POLR2M: variants seen among roughly 807,000 people sequenced by gnomAD.
The protein encoded by POLR2M is RNA polymerase II subunit M, also known as protein GRINL1A.
POLR2M carries 30 observed loss-of-function variants against 34.6 expected under a neutral mutation model. The observed-to-expected ratio is 0.87, with a 90% CI of 0.65 to 1.18. The LOEUF (loss-of-function observed/expected upper bound fraction) is 1.18. POLR2M is among the 50% of genes most tolerant of loss of function. The pLI is 0.00. For synonymous variants in POLR2M, 150 were observed against 166.7 expected (o/e 0.90, Z 0.77); for missense variants, 432 against 448.7 (o/e 0.96, Z 0.34).
chr15:57,710,671 C>G (rs1391726903), intron 2 of POLR2M, among the ~76,000 whole-genome samples: 2 of 152,104 alleles, frequency 1.3e-5, no homozygotes, highest in African/African-American at 2.4e-5. Flanking sequence ...AATCCCAGTT[C>G]TGTATTATGG....
rs1352681875 is a variant in POLR2M, at chr15:57,715,412, A to C, written c.*733A>C. Reference sequence around the variant, plus strand: ...CAGTGGCAGGATCTCGGCTCACTGCAATCTAGGTGGAGGTCTTTTTAAATA... The same window carrying C: ...CAGTGGCAGGATCTCGGCTCACTGCCATCTAGGTGGAGGTCTTTTTAAATA... On this transcript the variant is annotated 3_prime_UTR_variant, in exon 4 of 4. Transcript: ENST00000299638. 6.6e-6 allele frequency: 1 copy of C among 151,778 alleles called. No homozygotes were observed. Among genetic ancestry groups the C allele is most frequent in the Non-Finnish European group, 1.5e-5 (1 of 67,984 alleles). The allele number at this position is 151,778 out of a possible 1,614,324, so 9.4% of individuals were successfully genotyped here. A position where few individuals can be genotyped will look rare whatever the true frequency, so the allele number is the denominator to read the frequency against.
Position 57,708,844 on chromosome 15 carries a change from T to C in POLR2M, c.244T>C (p.Cys82Arg), listed in dbSNP as rs142111452. 14 of 1,613,916 alleles carry C rather than the reference T, an allele frequency of 8.7e-6. No individual in the cohort carries two copies. The African/African-American group carries it at 1.2e-4, about 14-fold the overall frequency. Residue 82 changes from cysteine to arginine, a missense_variant, in exon 2 of 4, where the codon TGT becomes CGT. Physicochemically the swap from Cys to Arg is radical, Grantham distance 180. Coordinates refer to ENST00000299638, the MANE Select transcript of POLR2M (RefSeq NM_015532.5). ...SELFNPVSLDCKLRQKAIAEV... is the reference protein window; with the variant it reads ...SELFNPVSLDRKLRQKAIAEV... ...ACTGTTTAACCCTGTTAGTTTAGAC[T>C]GTAAGCTAAGGCAAAAAGCAATTGC... is the stretch of plus-strand genomic sequence containing the variant.
intron 3 of POLR2M, among the ~76,000 whole-genome samples, chr15:57,712,797 TGA>T (rs1308675040): frequency 1.3e-5 from 2 of 152,170 alleles, no homozygotes; most frequent in Non-Finnish European, 2.9e-5. Context: ...ACATGTATGT[TGA>T]GAGTTTGTAT....
chr15:57,707,633 C>T lies in POLR2M; in HGVS notation c.113+678C>T, dbSNP rs567155691. On this transcript the variant is annotated intron_variant, in intron 1 of 3. Transcript: ENST00000299638. ...CATGGACTAATTTAAATGCAGTTGA[C>T]AGAGATGGCTGAAGTTTCCAATCTA... The T allele has an allele frequency of 4.5e-4, 193 of 424,656 alleles. 1 individual carries two copies. The highest frequency in any genetic ancestry group is 6.7e-4 in the Non-Finnish European group (141 of 209,558). 26.3% of individuals were successfully genotyped at this position (424,656 alleles called of 1,614,324 possible). A position where few individuals can be genotyped will look rare whatever the true frequency, so the allele number is the denominator to read the frequency against.
chr15:57,706,781 A>T lies in POLR2M; in HGVS notation c.-62A>T. 1 of 1,522,432 alleles carries T rather than the reference A, an allele frequency of 6.6e-7. No individual in the cohort carries two copies. The highest frequency in any genetic ancestry group is 8.9e-7 in the Non-Finnish European group (1 of 1,126,508). The allele number at this position is 1,522,432 out of a possible 1,614,324, so 94.3% of individuals were successfully genotyped here. A position where few individuals can be genotyped will look rare whatever the true frequency, so the allele number is the denominator to read the frequency against. ...CACCGCCGTCCGCGGATCCGGCGCTAGTAGCGGGGCCTGCCGAGGAAGCCG... is the reference window on the plus strand; with the variant it reads ...CACCGCCGTCCGCGGATCCGGCGCTTGTAGCGGGGCCTGCCGAGGAAGCCG... On this transcript the variant is annotated 5_prime_UTR_variant, in exon 1 of 4. Coordinates refer to ENST00000299638, the MANE Select transcript of POLR2M (RefSeq NM_015532.5).
At chr15:57,711,051 C>G (rs938380672) in intron 2 of POLR2M, among the ~76,000 whole-genome samples, 4 of 152,150 alleles carry the variant, frequency 2.6e-5, no homozygotes, top group African/African-American at 7.2e-5. Context: ...CTTGGGTGTT[C>G]CCAGGTACCT....
chr15:57,708,898 C>T lies in POLR2M; in HGVS notation c.298C>T (p.Gln100Ter). The change falls in exon 2 of 4, where the codon CAG becomes TAG. Residue 100 changes from glutamine (Q) to a stop codon, truncating the protein, a stop_gained. Coordinates refer to ENST00000299638, the MANE Select transcript of POLR2M (RefSeq NM_015532.5). LOFTEE classifies it high-confidence loss of function. ...AEVDVGTDKA[Q>*]NSDPILDTSS... ...AGTTGATGTGGGTACAGATAAGGCC[C>T]AGAATTCTGACCCGATACTTGATAC... 1 of 1,614,030 alleles carries T rather than the reference C, an allele frequency of 6.2e-7. No individual in the cohort carries two copies. Among genetic ancestry groups the T allele is most frequent in the Non-Finnish European group, 8.5e-7 (1 of 1,179,938 alleles).
intron 3 of POLR2M, among the ~76,000 whole-genome samples, chr15:57,713,188 A>T (rs2040805804): frequency 1.0e-5 from 1 of 100,296 alleles, no homozygotes; most frequent in Admixed American, 1.1e-4. Flanking sequence ...ACAGAGTGAG[A>T]CCCTGTCTCA....
In POLR2M at chr15:57,715,580, A is replaced by C. The variant is rs1240611330; in HGVS notation, c.*901A>C. On this transcript the variant is annotated 3_prime_UTR_variant, in exon 4 of 4. Transcript: ENST00000299638. ...ACACAACATTAATGTTTGATAAGGA[A>C]AGCATTTTTTTTTTGTTAAAATTGA... 1.3e-5 allele frequency: 2 copies of C among 152,026 alleles called. No homozygotes were observed. The highest frequency in any genetic ancestry group is 2.4e-5 in the African/African-American group (1 of 41,430). The allele number at this position is 152,026 out of a possible 1,614,324, so 9.4% of individuals were successfully genotyped here. A position where few individuals can be genotyped will look rare whatever the true frequency, so the allele number is the denominator to read the frequency against.
Position 57,709,009 on chromosome 15 carries a change from C to G in POLR2M, c.409C>G (p.Leu137Val). The G allele has an allele frequency of 6.2e-7, 1 of 1,614,018 alleles. No homozygotes were observed. The highest frequency in any genetic ancestry group is 8.5e-7 in the Non-Finnish European group (1 of 1,179,936). The change falls in exon 2 of 4, where the codon CTT becomes GTT. Residue 137 changes from leucine (L) to valine (V), a missense_variant. Leu to Val is a conservative substitution (Grantham distance 32, BLOSUM62 1). Coordinates refer to ENST00000299638, the MANE Select transcript of POLR2M (RefSeq NM_015532.5). ...AAACCAGGGACTTGGACGTCCTACT[C>G]TTGAAGGTGATGAAGAGACTTCAGA... is the stretch of plus-strand genomic sequence containing the variant. ...SQNQGLGRPT[L>V]EGDEETSEVE...
At chr15:57,708,563 G>A (rs1340877103) in intron 1 of POLR2M, 151 bp from the exon 2 acceptor site, 3 of 732,220 alleles carry the variant, frequency 4.1e-6, no homozygotes, top group Admixed American at 3.5e-5. Context: ...CATTTTAATT[G>A]TTTTATTCTT....
chr15:57,715,075 A>G lies in POLR2M; in HGVS notation c.*396A>G, dbSNP rs1414930025. ...TTAGTTGTTCCAGGCACCTAAAATC[A>G]ATTAGGAAGACATAGTTCCCTTCTT... On this transcript the variant is annotated 3_prime_UTR_variant, in exon 4 of 4. Coordinates refer to ENST00000299638, the MANE Select transcript of POLR2M (RefSeq NM_015532.5). The G allele has an allele frequency of 5.6e-6, 1 of 179,976 alleles. No homozygotes were observed. The highest frequency in any genetic ancestry group is 1.1e-5 in the Non-Finnish European group (1 of 87,080). 11.1% of individuals were successfully genotyped at this position (179,976 alleles called of 1,614,324 possible). A position where few individuals can be genotyped will look rare whatever the true frequency, so the allele number is the denominator to read the frequency against.
Position 57,707,128 on chromosome 15 carries a change from C to G in POLR2M, c.113+173C>G, listed in dbSNP as rs1044431454. On this transcript the variant is annotated intron_variant, in intron 1 of 3. Coordinates refer to ENST00000299638, the MANE Select transcript of POLR2M (RefSeq NM_015532.5). The stretch of plus-strand genomic sequence containing the variant: ...AGGGCTTGCTGCGGCAGAGCCGTGC[C>G]TCTTCCTGGCCAGGCACGTATGCCT... The G allele has an allele frequency of 5.2e-6, 8 of 1,539,620 alleles. No homozygotes were observed. The African/African-American group carries it at 8.2e-5, about 16-fold the overall frequency.
At chr15:57,707,327 T>G in intron 1 of POLR2M, 2 of 727,402 alleles carry the variant, frequency 2.7e-6, no homozygotes, top group Non-Finnish European at 4.8e-6. Flanking sequence ...GATTCTAAGC[T>G]TACAGGAACC....
rs1383278086 is a variant in POLR2M, at chr15:57,716,072, C to G, written c.*1393C>G. On this transcript the variant is annotated 3_prime_UTR_variant, in exon 4 of 4. Coordinates refer to ENST00000299638, the MANE Select transcript of POLR2M (RefSeq NM_015532.5). Reference sequence around the variant, plus strand: ...GTTCATGTGCCTGGACACACAGTTCCCTGTAATCCTGCCATCTAGGGAGAT... The same window carrying G: ...GTTCATGTGCCTGGACACACAGTTCGCTGTAATCCTGCCATCTAGGGAGAT... 2 of 152,302 alleles carry G rather than the reference C, an allele frequency of 1.3e-5. No homozygotes were observed. 9.4% of individuals were successfully genotyped at this position (152,302 alleles called of 1,614,324 possible).
At chr15:57,708,655 G>GT in intron 1 of POLR2M, 59 bp from the exon 2 acceptor site, 1 of 1,439,606 alleles carries the variant, frequency 6.9e-7, no homozygotes, top group Non-Finnish European at 9.3e-7. Context: ...CCTTTTTAAT[G>GT]TTATATCTCA....
chr15:57,714,544 A>C lies in POLR2M; in HGVS notation c.972A>C (p.Gln324His). The change falls in exon 4 of 4, where the codon CAA becomes CAC. Residue 324 changes from glutamine (Q) to histidine (H), a missense_variant. Coordinates refer to ENST00000299638, the MANE Select transcript of POLR2M (RefSeq NM_015532.5). Reference sequence around the variant, plus strand: ...TGCTCTTTGTTTTAAAGGAGATGCAAGCAAAGCTCGCAGCGCAAAAATTAG... The same window carrying C: ...TGCTCTTTGTTTTAAAGGAGATGCACGCAAAGCTCGCAGCGCAAAAATTAG... ...KQQKQNYEEM[Q>H]AKLAAQKLAE... 6.2e-7 allele frequency: 1 copy of C among 1,613,664 alleles called. No homozygotes were observed. The highest frequency in any genetic ancestry group is 8.5e-7 in the Non-Finnish European group (1 of 1,179,780).
At position 57,715,262 on chromosome 15, in the gene POLR2M, C is replaced by G. The variant is rs1223394857; in HGVS notation, c.*583C>G. ...CCTTAGGAAGAACGTTATCTCTCTT[C>G]TGATTAGGAAGGACTTCCCTTTTGA... On this transcript the variant is annotated 3_prime_UTR_variant, in exon 4 of 4. Transcript: ENST00000299638. 6.6e-6 allele frequency: 1 copy of G among 152,668 alleles called. No individual in the cohort carries two copies. Among genetic ancestry groups the G allele is most frequent in the Non-Finnish European group, 1.5e-5 (1 of 68,114 alleles). 9.5% of individuals were successfully genotyped at this position (152,668 alleles called of 1,614,324 possible).
chr15:57,713,932 C>T (rs888359068), intron 3 of POLR2M, among the ~76,000 whole-genome samples: 8 of 149,030 alleles, frequency 5.4e-5, no homozygotes, highest in Admixed American at 2.7e-4. Flanking sequence ...AGCTCCGCCT[C>T]CCGGGTTCAC....
Sources: allele counts gnomAD v4.1 joint callset (sites outside exome capture counted in the v4.1 genomes callset), GRCh38; gene constraint gnomAD v4.1.1; transcripts MANE v1.5; gene names NCBI Gene and HGNC (gene_info 2026-07-23, HGNC 2026-07-21).